Variants in CHST6 observed in about 807,000 individuals in gnomAD.
CHST6 encodes the protein N-acetylglucosamine 6-O-sulfotransferase 5.
For synonymous variants in CHST6, 309 were observed against 276.4 expected, an observed-to-expected ratio of 1.12 and a Z score of -1.17; for missense variants, 698 against 586.2, an observed-to-expected ratio of 1.19 and a Z score of -1.97.
In CHST6 at chr16:75,485,466, T is replaced by TA. The variant is rs953114210; in HGVS notation, c.-91-3576dup. Reference sequence around the variant, plus strand: ...GGCAACAGAGTGTGACCCTCTTTCTTAAAAAAAATCAAAAACCTAAAACCA... The same window carrying TA: ...GGCAACAGAGTGTGACCCTCTTTCTTAAAAAAAAATCAAAAACCTAAAACCA... On this transcript the variant is annotated intron_variant, in intron 1 of 2. Coordinates refer to ENST00000332272, the MANE Select transcript of CHST6 (RefSeq NM_021615.5). Among the ~76,000 whole-genome samples the TA allele has an allele frequency of 5.3e-5, 8 of 151,880 alleles. No individual in the cohort carries two copies. In the East Asian group the frequency reaches 5.8e-4, roughly 11 times the overall value.
At chr16:75,486,853 G>C (rs2080203439) in intron 1 of CHST6, among the ~76,000 whole-genome samples, 1 of 152,220 alleles carries the variant, frequency 6.6e-6, no homozygotes, top group Non-Finnish European at 1.5e-5. Flanking sequence ...GAAGGGTGCA[G>C]GGGCAGAGCT....
chr16:75,494,561 C>G (rs1468772614), intron 1 of CHST6, among the ~76,000 whole-genome samples: 1 of 152,198 alleles, frequency 6.6e-6, no homozygotes, highest in East Asian at 1.9e-4. Context: ...GAAGCAGTGA[C>G]GCAGGACTCC....
chr16:75,482,983 G>T (rs1322760731), intron 1 of CHST6, among the ~76,000 whole-genome samples: 1 of 152,236 alleles, frequency 6.6e-6, no homozygotes, highest in African/African-American at 2.4e-5. Flanking sequence ...GCTGACGATG[G>T]TTGGCTTCCT....
intron 2 of CHST6, 85 bp downstream of exon 2, chr16:75,481,732 G>C (rs1254606089): frequency 2.3e-6 from 1 of 439,852 alleles, no homozygotes; most frequent in East Asian, 7.4e-5. Context: ...TTTGCAAGGA[G>C]ACCAGCTGAG....
chr16:75,479,232 G>A lies in CHST6; in HGVS notation c.597C>T (p.His199=), dbSNP rs1277056318. The change falls in exon 3 of 3, where the codon CAC becomes CAT. Residue 199 remains histidine, a synonymous_variant. Transcript: ENST00000332272. ...GCACGGCCCGCGGGTCGCGCACCAG[G>A]TGCACGATGCGTAGGTTGAGCGCGG... The part of the protein sequence containing the change: ...SDPALNLRIV[H]LVRDPRAVLR... 1 of 1,611,484 alleles carries A rather than the reference G, an allele frequency of 6.2e-7. No individual in the cohort carries two copies.
chr16:75,479,396 T>C lies in CHST6; in HGVS notation c.433A>G (p.Ser145Gly). 6.2e-7 allele frequency: 1 copy of C among 1,612,814 alleles called. No homozygotes were observed. The highest frequency in any genetic ancestry group is 1.1e-5 in the South Asian group (1 of 91,064). ...CSAFPRGAIS[S>G]EAVCKPLCAR... ...CACAGTGGCTTGCACACGGCCTCGCTGCTGATGGCGCCTCGGGGAAAGGCA... is the reference window on the plus strand; with the variant it reads ...CACAGTGGCTTGCACACGGCCTCGCCGCTGATGGCGCCTCGGGGAAAGGCA... Residue 145 changes from serine to glycine, a missense_variant, in exon 3 of 3, where the codon AGC becomes GGC. By Grantham distance (56) the Ser-to-Gly change is moderately conservative. Transcript: ENST00000332272.
chr16:75,479,887 G>C, intron 2 of CHST6, 43 bp from the exon 3 acceptor site: 1 of 1,504,388 alleles, frequency 6.6e-7, no homozygotes, highest in South Asian at 1.2e-5. Flanking sequence ...CAGCCTGCAC[G>C]CCCATCCCGT....
At chr16:75,492,993 G>A (rs917851169) in intron 1 of CHST6, among the ~76,000 whole-genome samples, 3 of 151,900 alleles carry the variant, frequency 2.0e-5, no homozygotes, top group African/African-American at 7.3e-5. Context: ...TGACTAATAG[G>A]TGATAGTGAG....
At chr16:75,494,288 C>G (rs755259894) in intron 1 of CHST6, among the ~76,000 whole-genome samples, 1 of 152,188 alleles carries the variant, frequency 6.6e-6, no homozygotes, top group African/African-American at 2.4e-5. Context: ...AAGTTCCGGC[C>G]TCTCAGGCTG....
chr16:75,479,734 G>A lies in CHST6; in HGVS notation c.95C>T (p.Ser32Leu). 1 of 1,606,286 alleles carries A rather than the reference G, an allele frequency of 6.2e-7. No homozygotes were observed. Residue 32 changes from serine to leucine, a missense_variant, in exon 3 of 3, where the codon TCG becomes TTG. Coordinates refer to ENST00000332272, the MANE Select transcript of CHST6 (RefSeq NM_021615.5). Reference protein sequence around the residue: ...LLFLVSRPGPSSPAGGEARVH... With the variant: ...LLFLVSRPGPLSPAGGEARVH... ...GCGCGCCTCGCCGCCTGCTGGGGAC[G>A]AGGGCCCTGGCCGGGAAACCAGAAA...
chr16:75,479,902 C>G, intron 2 of CHST6, 58 bp from the exon 3 acceptor site: 1 of 1,449,508 alleles, frequency 6.9e-7, no homozygotes, highest in Admixed American at 2.0e-5. Flanking sequence ...TCCCGTACCC[C>G]ACTGCCCAGT....
chr16:75,481,382 C>T (rs543304140), intron 2 of CHST6, among the ~76,000 whole-genome samples: 1 of 152,086 alleles, frequency 6.6e-6, no homozygotes, highest in Non-Finnish European at 1.5e-5. Context: ...CACCTGAAGT[C>T]AGGAGTTCGA....
intron 1 of CHST6, among the ~76,000 whole-genome samples, chr16:75,488,044 T>TCTTC (rs2080219854): frequency 6.6e-6 from 1 of 151,980 alleles, no homozygotes; most frequent in Non-Finnish European, 1.5e-5. Context: ...ACACAGCAGC[T>TCTTC]CTTCTTGTTA....
At chr16:75,494,603 G>C (rs932145021) in intron 1 of CHST6, among the ~76,000 whole-genome samples, 7 of 152,166 alleles carry the variant, frequency 4.6e-5, no homozygotes, top group African/African-American at 1.7e-4. Context: ...AAATCAACCC[G>C]CCAAGCTACC....
chr16:75,483,658 C>G (rs2080165666), intron 1 of CHST6, among the ~76,000 whole-genome samples: 1 of 152,168 alleles, frequency 6.6e-6, no homozygotes, highest in Non-Finnish European at 1.5e-5. Context: ...GACCATACCT[C>G]TCTGTTTTAA....
chr16:75,494,804 A>C (rs920885670), intron 1 of CHST6, 136 bp downstream of exon 1: 1 of 152,422 alleles, frequency 6.6e-6, no homozygotes, highest in Non-Finnish European at 1.5e-5. Flanking sequence ...CTGATGGAAA[A>C]GCCACTCCCA....
At chr16:75,490,075 G>A (rs746639282) in intron 1 of CHST6, among the ~76,000 whole-genome samples, 7 of 151,076 alleles carry the variant, frequency 4.6e-5, no homozygotes, top group Admixed American at 1.3e-4. Flanking sequence ...CTACTCGGCG[G>A]GGAGGGAGAA....
chr16:75,476,408 G>A lies in CHST6; in HGVS notation c.*2233C>T, dbSNP rs1772165095. 1 of 151,278 alleles carries A rather than the reference G, an allele frequency of 6.6e-6. No individual in the cohort carries two copies. Among genetic ancestry groups the A allele is most frequent in the Non-Finnish European group, 1.5e-5 (1 of 67,918 alleles). 9.4% of individuals were successfully genotyped at this position (151,278 alleles called of 1,614,324 possible). On this transcript the variant is annotated 3_prime_UTR_variant, in exon 3 of 3. Coordinates refer to ENST00000332272, the MANE Select transcript of CHST6 (RefSeq NM_021615.5). ...GTCTACAAAAATACAAAAATTAGCT[G>A]GGCATGGTGGTGCATCCCTGTAGTC...
rs554541951 is a variant in CHST6, at chr16:75,482,873, C to T, written c.-91-982G>A. Among the ~76,000 whole-genome samples, 84 of 152,256 alleles carry T rather than the reference C, an allele frequency of 5.5e-4. 2 individuals carry two copies. In the South Asian group the frequency reaches 0.016, roughly 29 times the overall value. ...GATGCCCAGCAGCTCTGTCACCAGC[C>T]GACTCCAGATCCCACAGCCACTCTG... On this transcript the variant is annotated intron_variant, in intron 1 of 2. Transcript: ENST00000332272.
Sources: allele counts gnomAD v4.1 joint callset (sites outside exome capture counted in the v4.1 genomes callset), GRCh38; gene constraint gnomAD v4.1.1; transcripts MANE v1.5; gene names NCBI Gene and HGNC (gene_info 2026-07-23, HGNC 2026-07-21).